Variants in GRM1 observed in about 807,000 individuals in gnomAD.
GRM1 encodes glutamate metabotropic receptor 1.
A neutral mutation model predicts 90.9 loss-of-function variants in GRM1; 33 were observed. The observed-to-expected ratio is 0.36, with a 90% CI of 0.28 to 0.49. GRM1 has a LOEUF of 0.49. Ranked by LOEUF, GRM1 falls within the 20% of genes least tolerant of loss-of-function variation. The probability of loss-of-function intolerance (pLI) is 0.99; values close to 1 mark genes in which losing one functional copy is unlikely to be tolerated. For missense variants in GRM1, 1,190 were observed against 1,534.3 expected (o/e 0.78, Z 3.75); for synonymous variants, 700 against 613.2 (o/e 1.14, Z -2.09).
chr6:146,305,045 G>T (rs536204767), intron 3 of GRM1, among the ~76,000 whole-genome samples, 199 bp downstream of exon 3: 3 of 150,438 alleles, frequency 2.0e-5, no homozygotes, highest in South Asian at 4.3e-4. Context: ...GACAACTTTG[G>T]TCTCTGTTGG....
intron 2 of GRM1, among the ~76,000 whole-genome samples, chr6:146,231,599 A>C (rs568501981): frequency 1.3e-3 from 197 of 152,224 alleles, no homozygotes; most frequent in African/African-American, 4.6e-3. Flanking sequence ...CATGTCATAT[A>C]CTATATCAGG....
At chr6:146,132,645 T>TATGATG (rs1776452956) in intron 1 of GRM1, among the ~76,000 whole-genome samples, 2 of 152,190 alleles carry the variant, frequency 1.3e-5, no homozygotes, top group Admixed American at 1.3e-4. Flanking sequence ...GAAACAGACA[T>TATGATG]ATGATGAAGG....
At chr6:146,043,785 A>ATATATATATATATATATATATATG (rs1397678773) in intron 1 of GRM1, among the ~76,000 whole-genome samples, 1 of 105,622 alleles carries the variant, frequency 9.5e-6, no homozygotes, top group African/African-American at 5.1e-5. Flanking sequence ...GTCAGGTGAT[A>ATATATATATATATATATATATATG]TATATATATA....
chr6:146,079,289 A>G (rs1045302985), intron 1 of GRM1, among the ~76,000 whole-genome samples: 1 of 152,220 alleles, frequency 6.6e-6, no homozygotes, highest in Admixed American at 6.5e-5. Context: ...TTTAAAGGCA[A>G]CATTCCATTC....
At chr6:146,203,696 A>G (rs1481719604) in intron 2 of GRM1, among the ~76,000 whole-genome samples, 2 of 152,232 alleles carry the variant, frequency 1.3e-5, no homozygotes, top group Non-Finnish European at 2.9e-5. Flanking sequence ...AAAGCACAGT[A>G]TGTATAGAGG....
intron 3 of GRM1, among the ~76,000 whole-genome samples, chr6:146,323,520 A>C (rs1784282690): frequency 6.6e-6 from 1 of 151,664 alleles, no homozygotes; most frequent in Non-Finnish European, 1.5e-5. Flanking sequence ...GGTTGCAAAA[A>C]TTTTCTCCCA....
At chr6:146,064,392 A>G (rs781424743) in intron 1 of GRM1, among the ~76,000 whole-genome samples, 2 of 152,220 alleles carry the variant, frequency 1.3e-5, no homozygotes, top group Non-Finnish European at 2.9e-5. Context: ...AAATTATTTC[A>G]TAAATAAATA....
At chr6:146,366,920 C>A (rs1775712087) in intron 5 of GRM1, among the ~76,000 whole-genome samples, 1 of 152,042 alleles carries the variant, frequency 6.6e-6, no homozygotes, top group Non-Finnish European at 1.5e-5. Flanking sequence ...TCTCATTTGT[C>A]TATTTTTGCT....
intron 2 of GRM1, among the ~76,000 whole-genome samples, chr6:146,209,177 G>A (rs1443172071): frequency 2.6e-5 from 4 of 152,208 alleles, no homozygotes; most frequent in African/African-American, 9.6e-5. Flanking sequence ...AAATCCTTTA[G>A]ATCCAAATCC....
At chr6:146,108,944 A>C (rs1583013907) in intron 1 of GRM1, among the ~76,000 whole-genome samples, 1 of 152,298 alleles carries the variant, frequency 6.6e-6, no homozygotes, top group East Asian at 1.9e-4. Context: ...AGAGAGATTT[A>C]GGGTATCTGG....
chr6:146,365,301 A>C (rs1583392554), intron 5 of GRM1: 1 of 152,266 alleles, frequency 6.6e-6, no homozygotes, highest in Admixed American at 6.5e-5. Context: ...CATAGTGAAA[A>C]ATTCCATGGA....
chr6:146,243,262 T>C (rs111618953), intron 2 of GRM1, among the ~76,000 whole-genome samples: 1,787 of 152,054 alleles, frequency 0.012, 24 homozygotes, highest in African/African-American at 0.041. Context: ...CTAAATAGGG[T>C]TTAAGTATCT....
chr6:146,434,001 C>T lies in GRM1; in HGVS notation c.2790C>T (p.Ile930=), dbSNP rs1446914195. The T allele has an allele frequency of 1.2e-6, 2 of 1,614,146 alleles. No individual in the cohort carries two copies. Among genetic ancestry groups the T allele is most frequent in the Non-Finnish European group, 1.7e-6 (2 of 1,180,014 alleles). The change falls in exon 8 of 8, where the codon ATC becomes ATT. Residue 930 remains isoleucine, a synonymous_variant. Transcript: ENST00000282753. ...NETACNQTAV[I]KPLTKSYQGS... ...CGGCCTGCAACCAAACAGCCGTCAT[C>T]AAGCCCCTCACTAAAAGTTACCAAG...
rs758245402 is a variant in GRM1, at chr6:146,398,983, C to T, written c.1944C>T (p.Leu648=). Residue 648 remains leucine, a synonymous_variant, in exon 7 of 8, where the codon CTC becomes CTT. Coordinates refer to ENST00000282753, the MANE Select transcript of GRM1 (RefSeq NM_001278064.2). The part of the protein sequence containing the change: ...IFLGYVCPFT[L]IAKPTTTSCY... ...TTGGTTATGTGTGCCCATTCACTCT[C>T]ATTGCCAAACCTACTACCACCTCCT... 1.6e-5 allele frequency: 26 copies of T among 1,613,982 alleles called. No homozygotes were observed. Among genetic ancestry groups the T allele is most frequent in the South Asian group, 9.9e-5 (9 of 91,086 alleles).
intron 6 of GRM1, among the ~76,000 whole-genome samples, chr6:146,389,538 C>T (rs377736806): frequency 2.0e-5 from 3 of 151,960 alleles, no homozygotes; most frequent in East Asian, 3.8e-4. Flanking sequence ...TGCTCATTTC[C>T]GTTGATTAGG....
upstream of GRM1, among the ~76,000 whole-genome samples, chr6:146,028,927 G>A (rs536447649): frequency 1.7e-4 from 26 of 152,238 alleles, no homozygotes; most frequent in African/African-American, 6.3e-4. Context: ...TAGAAAGCAT[G>A]ATAGGTTTTA....
chr6:146,209,543 A>G (rs73575015), intron 2 of GRM1, among the ~76,000 whole-genome samples: 9,277 of 152,086 alleles, frequency 0.061, 939 homozygotes, highest in African/African-American at 0.21. Flanking sequence ...TTATTCTACT[A>G]TATAGGGTTT....
chr6:146,177,689 C>T (rs1341656400), intron 2 of GRM1, among the ~76,000 whole-genome samples: 1 of 152,030 alleles, frequency 6.6e-6, no homozygotes, highest in African/African-American at 2.4e-5. Flanking sequence ...CTGTTGCTCT[C>T]ATTAAATGCA....
chr6:146,335,466 G>A lies in GRM1; in HGVS notation c.1187-16784G>A, dbSNP rs149743785. Among the ~76,000 whole-genome samples, 343 of 152,232 alleles carry A rather than the reference G, an allele frequency of 2.3e-3. 2 individuals carry two copies. The highest frequency in any genetic ancestry group is 6.8e-3 in the Middle Eastern group (2 of 294). On this transcript the variant is annotated intron_variant, in intron 3 of 7. Transcript: ENST00000282753. ...CCTCCCTAGGAAAGTTGTGTTCACTGTTGAGATGTGTTTTATTTATATCAC... is the reference window on the plus strand; with the variant it reads ...CCTCCCTAGGAAAGTTGTGTTCACTATTGAGATGTGTTTTATTTATATCAC...
Sources: allele counts gnomAD v4.1 joint callset (sites outside exome capture counted in the v4.1 genomes callset), GRCh38; gene constraint gnomAD v4.1.1; transcripts MANE v1.5; gene names NCBI Gene and HGNC (gene_info 2026-07-23, HGNC 2026-07-21).